RAD52: variants seen among roughly 807,000 people sequenced by gnomAD.
RAD52 encodes the protein RAD52 DNA repair protein.
In RAD52, 47 loss-of-function variants were observed where a neutral mutation model predicts 55.5. That is an observed-to-expected ratio of 0.85 (90% CI 0.67 to 1.08). RAD52 has a LOEUF of 1.08. Ranked by LOEUF, RAD52 falls within the 50% of genes least tolerant of loss-of-function variation. The pLI is 0.00. For synonymous variants in RAD52, 184 were observed against 198.9 expected (o/e 0.92, Z 0.63); for missense variants, 468 against 522.8 (o/e 0.90, Z 1.02).
chr12:936,287 G>A (rs897843119), intron 1 of RAD52, among the ~76,000 whole-genome samples: 2 of 151,974 alleles, frequency 1.3e-5, no homozygotes, highest in Non-Finnish European at 2.9e-5. Flanking sequence ...CTGGGCAATG[G>A]AGCAAGACTC....
chr12:953,638 C>A (rs1451779260), upstream of RAD52, among the ~76,000 whole-genome samples: 2 of 152,162 alleles, frequency 1.3e-5, no homozygotes, highest in African/African-American at 4.8e-5. Flanking sequence ...GGACTTAGAG[C>A]CTCAAGAACT....
chr12:981,641 C>A (rs923153657), intron 1 of RAD52, among the ~76,000 whole-genome samples: 7 of 151,872 alleles, frequency 4.6e-5, no homozygotes, highest in Non-Finnish European at 1.0e-4. Context: ...CCTGTAATCC[C>A]AGCTACTCAG....
chr12:917,620 T>C (rs1292221657), intron 7 of RAD52, among the ~76,000 whole-genome samples: 1 of 151,724 alleles, frequency 6.6e-6, no homozygotes, highest in Admixed American at 6.6e-5. Flanking sequence ...CGTTGACTCA[T>C]GCCTGTAATC....
intron 1 of RAD52, among the ~76,000 whole-genome samples, chr12:969,345 T>A (rs1415662631): frequency 6.6e-6 from 1 of 152,062 alleles, no homozygotes; most frequent in South Asian, 2.1e-4. Flanking sequence ...AAAAGTATAA[T>A]AGTCAATAAT....
At chr12:945,629 T>A in intron 1 of RAD52, among the ~76,000 whole-genome samples, 1 of 150,084 alleles carries the variant, frequency 6.7e-6, no homozygotes, top group East Asian at 2.0e-4. Context: ...GAGGCAGGGG[T>A]TTCACCATGT....
chr12:925,229 C>T (rs372978479), intron 7 of RAD52, among the ~76,000 whole-genome samples: 2 of 152,122 alleles, frequency 1.3e-5, no homozygotes, highest in African/African-American at 2.4e-5. Context: ...GGATTCCAGG[C>T]GTGAGCCACG....
chr12:933,601 A>G (rs187820301), intron 1 of RAD52, among the ~76,000 whole-genome samples: 1 of 152,208 alleles, frequency 6.6e-6, no homozygotes, highest in African/African-American at 2.4e-5. Context: ...GTCTACTTCT[A>G]CCTTTCTGTT....
At chr12:937,999 C>A (rs909585758) in intron 1 of RAD52, among the ~76,000 whole-genome samples, 2 of 152,268 alleles carry the variant, frequency 1.3e-5, no homozygotes, top group Middle Eastern at 3.4e-3. Context: ...CCCGTGGCAA[C>A]AGGCTTGAAA....
At position 970,182 on chromosome 12, in the gene RAD52, C is replaced by G. The variant is rs543738742; in HGVS notation, c.-19+19627G>C. On this transcript the variant is annotated intron_variant, in intron 1 of 11. Coordinates refer to the RAD52 transcript ENST00000430095. ...ATTAGCCGGGTGTGGTGGCAGGTGCCTGTGATCCCAGCTACCTGGGTGGGG... is the reference window on the plus strand; with the variant it reads ...ATTAGCCGGGTGTGGTGGCAGGTGCGTGTGATCCCAGCTACCTGGGTGGGG... 3.9e-5 allele frequency among the ~76,000 whole-genome samples: 6 copies of G among 151,948 alleles called. No individual in the cohort carries two copies. In the South Asian group the frequency reaches 6.2e-4, roughly 16 times the overall value.
At chr12:968,790 A>G (rs544336213) in intron 1 of RAD52, among the ~76,000 whole-genome samples, 1 of 152,144 alleles carries the variant, frequency 6.6e-6, no homozygotes, top group African/African-American at 2.4e-5. Context: ...TCCCCATAAG[A>G]ATGTGAGCTC....
upstream of RAD52, among the ~76,000 whole-genome samples, chr12:951,591 CCTT>C (rs1958529206): frequency 6.6e-6 from 1 of 152,186 alleles, no homozygotes. Context: ...TGTGTCCTCT[CCTT>C]TTTTCACTAG....
intron 10 of RAD52, 58 bp downstream of exon 10, chr12:914,373 T>C: frequency 6.2e-7 from 1 of 1,600,972 alleles, no homozygotes; most frequent in Non-Finnish European, 8.5e-7. Flanking sequence ...CTAAAAGGTA[T>C]TCTGTGGCTA....
chr12:963,617 T>C (rs1160829851), intron 1 of RAD52, among the ~76,000 whole-genome samples: 1 of 152,158 alleles, frequency 6.6e-6, no homozygotes, highest in East Asian at 1.9e-4. Context: ...CTTTATATTT[T>C]CTATCAGGAA....
intron 1 of RAD52, among the ~76,000 whole-genome samples, chr12:968,288 T>C (rs1157170808): frequency 6.6e-6 from 1 of 152,076 alleles, no homozygotes. Flanking sequence ...ATTTTAACTA[T>C]CCTATTTCCA....
rs1555167469 is a variant in RAD52 at position 912,740 on chromosome 12, A to AAAC, written c.*650_*651insGTT. 1.6e-5 allele frequency: 2 copies of AAAC among 122,270 alleles called. No individual in the cohort carries two copies. The highest frequency in any genetic ancestry group is 6.6e-5 in the African/African-American group (2 of 30,360). The allele number at this position is 122,270 out of a possible 1,614,324, so 7.6% of individuals were successfully genotyped here. ...CCCGTCTCAAAAAAAAAAAAAAAAA[A>AAAC]AAAAACAAAAAACAGCCTTTTTTCG... On this transcript the variant is annotated 3_prime_UTR_variant, in exon 12 of 12. Transcript: ENST00000358495.
chr12:948,451 G>T (rs1475258297), intron 1 of RAD52, among the ~76,000 whole-genome samples: 1 of 152,124 alleles, frequency 6.6e-6, no homozygotes, highest in East Asian at 1.9e-4. Flanking sequence ...TGTAATCCCT[G>T]AACTTTGGAA....
At chr12:939,045 C>T (rs570748967) in intron 1 of RAD52, among the ~76,000 whole-genome samples, 1 of 86,242 alleles carries the variant, frequency 1.2e-5, no homozygotes, top group African/African-American at 4.7e-5. Context: ...TCAATTCATT[C>T]AACTAATTGT....
rs933172038 is a variant in RAD52, at chr12:979,446, GA to G, written c.-19+10362del. Reference sequence around the variant, plus strand: ...ACAGTGAGACTCTGTCTCACGAAAAGAAAAAAAAAAGGTTAATTGAGGACGT... The same window carrying G: ...ACAGTGAGACTCTGTCTCACGAAAAGAAAAAAAAAGGTTAATTGAGGACGT... On this transcript the variant is annotated intron_variant, in intron 1 of 11. Coordinates refer to the RAD52 transcript ENST00000430095. Among the ~76,000 whole-genome samples, 118 of 144,354 alleles carry G rather than the reference GA, an allele frequency of 8.2e-4. 1 individual carries two copies. Among genetic ancestry groups the G allele is most frequent in the Admixed American group, 2.9e-3 (42 of 14,492 alleles). 94.7% of individuals were successfully genotyped at this position (144,354 alleles called of 152,430 possible). A position where few individuals can be genotyped will look rare whatever the true frequency, so the allele number is the denominator to read the frequency against.
At chr12:949,982 G>A (rs1958478921), upstream of RAD52, among the ~76,000 whole-genome samples, 1 of 152,188 alleles carries the variant, frequency 6.6e-6, no homozygotes, top group Non-Finnish European at 1.5e-5. Context: ...GGTGGGCCTG[G>A]CGGTTTCGTC....
Sources: allele counts gnomAD v4.1 joint callset (sites outside exome capture counted in the v4.1 genomes callset), GRCh38; gene constraint gnomAD v4.1.1; transcripts MANE v1.5; gene names NCBI Gene and HGNC (gene_info 2026-07-23, HGNC 2026-07-21).